Variants in SDK2 observed in about 807,000 individuals in gnomAD.
The protein encoded by SDK2 is protein sidekick-2.
A neutral mutation model predicts 253.9 loss-of-function variants in SDK2; 105 were observed. The ratio of observed to expected loss-of-function variants is 0.41; its 90% CI spans 0.35 to 0.49. The LOEUF (loss-of-function observed/expected upper bound fraction) is 0.49, where lower values mean the gene tolerates loss of function less well. Ranked by LOEUF, SDK2 falls within the 20% of genes least tolerant of loss-of-function variation. The pLI is 0.06. For missense variants in SDK2, 2,608 were observed against 3,003.0 expected (o/e 0.87, Z 3.07); for synonymous variants, 1,249 against 1,234.9 (o/e 1.01, Z -0.24).
At chr17:73,513,765 G>A (rs886601413) in intron 1 of SDK2, 2 of 152,202 alleles carry the variant, frequency 1.3e-5, no homozygotes, top group African/African-American at 4.8e-5. Flanking sequence ...AGCAGACGGC[G>A]CCTGAGCGAT....
chr17:73,394,344 G>C lies in SDK2; in HGVS notation c.3593-20C>G. The C allele has an allele frequency of 6.6e-7, 1 of 1,517,620 alleles. No individual in the cohort carries two copies. Among genetic ancestry groups the C allele is most frequent in the East Asian group, 2.3e-5 (1 of 42,686 alleles). The allele number at this position is 1,517,620 out of a possible 1,614,324, so 94.0% of individuals were successfully genotyped here. Reference sequence around the variant, plus strand: ...AGGGAACTGTGGGGGAAAGGGAGTGGAGAGAAGGCACTCAGGACCCAACGT... The same window carrying C: ...AGGGAACTGTGGGGGAAAGGGAGTGCAGAGAAGGCACTCAGGACCCAACGT... On this transcript the variant is annotated intron_variant, in intron 25 of 44. Coordinates refer to ENST00000392650, the MANE Select transcript of SDK2 (RefSeq NM_001144952.2).
In SDK2 at chr17:73,466,155, C is replaced by G. The variant is rs2063595742; in HGVS notation, c.331+5957G>C. Among the ~76,000 whole-genome samples, 2 of 152,166 alleles carry G rather than the reference C, an allele frequency of 1.3e-5. 1 individual carries two copies. Among genetic ancestry groups the G allele is most frequent in the South Asian group, 4.1e-4 (2 of 4,824 alleles). ...TGGGCACCCTCACTGCCTGGTTTGC[C>G]TCAGCCTAGTCCAGCCCTGGAGAGC... On this transcript the variant is annotated intron_variant, in intron 3 of 44. Coordinates refer to ENST00000392650, the MANE Select transcript of SDK2 (RefSeq NM_001144952.2).
At chr17:73,640,453 G>A (rs1599746791) in intron 1 of SDK2, among the ~76,000 whole-genome samples, 3 of 152,070 alleles carry the variant, frequency 2.0e-5, no homozygotes, top group East Asian at 1.9e-4. Context: ...GGAAGCCAAG[G>A]GGTACAAAGG....
intron 43 of SDK2, among the ~76,000 whole-genome samples, 167 bp from the exon 44 acceptor site, chr17:73,348,892 T>C (rs2062509572): frequency 6.6e-6 from 1 of 152,134 alleles, no homozygotes; most frequent in African/African-American, 2.4e-5. Context: ...GAGGTAGGAA[T>C]CTGGAGGAGG....
At chr17:73,600,634 C>T (rs2045824803) in intron 1 of SDK2, among the ~76,000 whole-genome samples, 2 of 152,200 alleles carry the variant, frequency 1.3e-5, no homozygotes, top group Admixed American at 6.5e-5. Flanking sequence ...CAGCTCCTCT[C>T]CTGCTCTGCG....
intron 44 of SDK2, among the ~76,000 whole-genome samples, chr17:73,345,319 CAAAAAAA>C (rs532451680): frequency 7.1e-6 from 1 of 140,566 alleles, no homozygotes; most frequent in African/African-American, 2.6e-5. Context: ...GACTTCATTT[CAAAAAAA>C]AAAGAAAAAA....
In SDK2 at chr17:73,612,547, G is replaced by A. The variant is rs2045989979; in HGVS notation, c.64+31478C>T. Among the ~76,000 whole-genome samples the A allele has an allele frequency of 6.6e-6, 1 of 152,108 alleles. No individual in the cohort carries two copies. The highest frequency in any genetic ancestry group is 1.5e-5 in the Non-Finnish European group (1 of 68,022). ...CCCAGGGTGGCAGCCTGAGGGTCCC[G>A]GCTTCCCCATTCTGACCCCTTCAGA... On this transcript the variant is annotated intron_variant, in intron 1 of 44. Transcript: ENST00000392650. This position sits in a 1 kb window ranked among gnomAD's most constrained non-coding sequence, Gnocchi z 4.4.
In SDK2 at chr17:73,437,791, T is replaced by C. The variant is rs2063381570; in HGVS notation, c.948A>G (p.Arg316=). 1 of 1,613,870 alleles carries C rather than the reference T, an allele frequency of 6.2e-7. No individual in the cohort carries two copies. Among genetic ancestry groups the C allele is most frequent in the African/African-American group, 1.3e-5 (1 of 74,910 alleles). The change falls in exon 8 of 45, where the codon AGA becomes AGG. Residue 316 remains arginine, a synonymous_variant. Coordinates refer to ENST00000392650, the MANE Select transcript of SDK2 (RefSeq NM_001144952.2). ...EPPQFVKEPE[R]HITAEMEKVV... ...CCTTCTCCATCTCCGCAGTGATGTG[T>C]CTTTCTGGCTCCTTGACAAACTGAG...
rs1288583011 is a variant in SDK2 at position 73,447,881 on chromosome 17, AC to A, written c.480-134del. ...CCAGCCTCCCAGGGCCCCTCCTGCC[AC>A]CCCCTCCCCAACCTCTTACTGCCTA... On this transcript the variant is annotated intron_variant, in intron 4 of 44. Transcript: ENST00000392650. The surrounding 1 kb of genome is among the most constrained non-coding windows in gnomAD (Gnocchi z 4.0). 3.0e-6 allele frequency: 3 copies of A among 998,254 alleles called. No homozygotes were observed. In the African/African-American group the frequency reaches 4.9e-5, roughly 16 times the overall value. The allele number at this position is 998,254 out of a possible 1,614,324, so 61.8% of individuals were successfully genotyped here.
intron 1 of SDK2, among the ~76,000 whole-genome samples, chr17:73,602,082 G>C (rs1026198970): frequency 6.6e-6 from 1 of 152,218 alleles, no homozygotes; most frequent in Non-Finnish European, 1.5e-5. Context: ...GTAGTGCTTC[G>C]TTGCGGCAGC....
chr17:73,348,684 T>A lies in SDK2; in HGVS notation c.6080A>T (p.Asp2027Val). The A allele has an allele frequency of 6.2e-7, 1 of 1,611,730 alleles. No homozygotes were observed. The highest frequency in any genetic ancestry group is 8.5e-7 in the Non-Finnish European group (1 of 1,179,750). The stretch of plus-strand genomic sequence containing the variant: ...GTCGTTGTATTTGGTGACATCCTCA[T>A]CCGAGTAGTGCAGGCTGCCTGGGCT... ...RPSPGSLHYS[D>V]EDVTKYNDLI... The change falls in exon 44 of 45, where the codon GAT (aspartate) becomes GTT (valine). Residue 2027 changes from aspartate to valine, a missense_variant. Asp to Val is a radical substitution (Grantham distance 152, BLOSUM62 -3). This residue lies in a region of SDK2 where 1,103 missense variants were observed against 1,143.9 expected (regional missense o/e 0.96). Coordinates refer to ENST00000392650, the MANE Select transcript of SDK2 (RefSeq NM_001144952.2).
intron 1 of SDK2, among the ~76,000 whole-genome samples, chr17:73,508,723 C>T (rs1003750241): frequency 6.6e-6 from 1 of 152,198 alleles, no homozygotes; most frequent in Non-Finnish European, 1.5e-5. Context: ...CAAGGTCACA[C>T]AACTGGGCGG....
Position 73,415,350 on chromosome 17 carries a change from C to CTTT in SDK2, c.2368+458_2368+460dup, listed in dbSNP as rs35201251. 3.6e-3 allele frequency among the ~76,000 whole-genome samples: 441 copies of CTTT among 122,086 alleles called. 10 individuals carry two copies. Among genetic ancestry groups the CTTT allele is most frequent in the African/African-American group, 0.013 (403 of 31,354 alleles). The allele number at this position is 122,086 out of a possible 152,430, so 80.1% of individuals were successfully genotyped here. ...CATAGTCTCTTTTCATTTCATTTCA[C>CTTT]TTTTTTTTTTTTTTTTTTTTGAGAC... On this transcript the variant is annotated intron_variant, in intron 17 of 44. Transcript: ENST00000392650.
At chr17:73,347,883 C>G (rs2062498804) in intron 44 of SDK2, among the ~76,000 whole-genome samples, 1 of 152,174 alleles carries the variant, frequency 6.6e-6, no homozygotes. Context: ...CATATAAAAG[C>G]TGACATTTAC....
intron 18 of SDK2, among the ~76,000 whole-genome samples, chr17:73,405,055 G>A (rs1406284202): frequency 6.7e-6 from 1 of 148,974 alleles, no homozygotes; most frequent in African/African-American, 2.5e-5. Context: ...TCAGGGAGGA[G>A]CAGGTGAAAT....
rs751417057 is a variant in SDK2, at chr17:73,426,208, CTTTTTTTTTTTTTT to C, written c.1584-2130_1584-2117del. On this transcript the variant is annotated intron_variant, in intron 12 of 44. Transcript: ENST00000392650. ...TACAGGCCTGCACCACCATGCTGGG[CTTTTTTTTTTTTTT>C]TTTTTTTTTTTTTTCTGTATTTTTA... Among the ~76,000 whole-genome samples the C allele has an allele frequency of 5.8e-4, 17 of 29,166 alleles. 1 individual carries two copies. The Admixed American group carries it at 6.1e-3, about 10-fold the overall frequency. 19.1% of individuals were successfully genotyped at this position (29,166 alleles called of 152,430 possible).
Position 73,435,694 on chromosome 17 carries a change from C to A in SDK2, c.1001-50G>T. ...GTCAACCTGCCTCCTGCCTCCTCTC[C>A]GCCTAGGAGGGGTGCTTGGGAGGAG... On this transcript the variant is annotated intron_variant, in intron 8 of 44. Coordinates refer to ENST00000392650, the MANE Select transcript of SDK2 (RefSeq NM_001144952.2). This position sits in a 1 kb window ranked among gnomAD's most constrained non-coding sequence, Gnocchi z 5.7. 1 of 1,477,990 alleles carries A rather than the reference C, an allele frequency of 6.8e-7. No individual in the cohort carries two copies. The highest frequency in any genetic ancestry group is 1.3e-5 in the South Asian group (1 of 76,358). 91.6% of individuals were successfully genotyped at this position (1,477,990 alleles called of 1,614,324 possible).
intron 1 of SDK2, among the ~76,000 whole-genome samples, chr17:73,595,863 G>A (rs1331010754): frequency 6.6e-6 from 1 of 152,216 alleles, no homozygotes; most frequent in Non-Finnish European, 1.5e-5. Flanking sequence ...TGGGAGGACA[G>A]GCTCCATCCT....
Position 73,467,237 on chromosome 17 carries a change from C to A in SDK2, c.331+4875G>T, listed in dbSNP as rs553272464. Among the ~76,000 whole-genome samples the A allele has an allele frequency of 6.6e-6, 1 of 152,172 alleles. No individual in the cohort carries two copies. The highest frequency in any genetic ancestry group is 6.5e-5 in the Admixed American group (1 of 15,292). ...AACTCTGACCCCAGCAGCTCACCCT[C>A]ACCCTCCTCCCACACACCCAATTTT... On this transcript the variant is annotated intron_variant, in intron 3 of 44. Transcript: ENST00000392650. The surrounding 1 kb of genome is among the most constrained non-coding windows in gnomAD (Gnocchi z 4.1).
Sources: gnomAD v4.1 joint callset for allele counts (sites outside exome capture counted in the v4.1 genomes callset) on GRCh38, gnomAD v4.1.1 for gene constraint, gnomAD v4.1.1 regional missense constraint, Gnocchi (gnomAD v3.1) non-coding constraint, MANE v1.5 for transcripts, NCBI Gene and HGNC (gene_info 2026-07-23, HGNC 2026-07-21) for gene names.